SEC23IP: variants seen among roughly 807,000 people sequenced by gnomAD.
SEC23IP encodes SEC23-interacting protein.
In SEC23IP, 70 loss-of-function variants were observed where a neutral mutation model predicts 113.4. That is an observed-to-expected ratio of 0.62 (90% confidence interval 0.51 to 0.75). SEC23IP has a LOEUF of 0.75. SEC23IP is among the 30% of genes least tolerant of loss of function. The probability of loss-of-function intolerance (pLI) is 0.00; values close to 1 mark genes in which losing one functional copy is unlikely to be tolerated. For missense variants in SEC23IP, 1,160 were observed against 1,204.9 expected (o/e 0.96, Z 0.55); for synonymous variants, 398 against 421.0 (o/e 0.95, Z 0.67).
At chr10:119,901,564 C>T (rs756708029) in intron 2 of SEC23IP, among the ~76,000 whole-genome samples, 1 of 152,046 alleles carries the variant, frequency 6.6e-6, no homozygotes, top group Non-Finnish European at 1.5e-5. Context: ...TAAAAGGCAT[C>T]CATTTACAGT....
At chr10:119,928,584 T>C (rs1310099426) in intron 13 of SEC23IP, among the ~76,000 whole-genome samples, 1 of 152,258 alleles carries the variant, frequency 6.6e-6, no homozygotes, top group African/African-American at 2.4e-5. Context: ...AGCTTTGCCA[T>C]AGGCATAATG....
rs1261916581 is a variant in SEC23IP, at chr10:119,944,235, T to A, written c.*3670T>A. 6.6e-6 allele frequency: 1 copy of A among 152,046 alleles called. No individual in the cohort carries two copies. The highest frequency in any genetic ancestry group is 1.5e-5 in the Non-Finnish European group (1 of 67,986). The allele number at this position is 152,046 out of a possible 1,614,324, so 9.4% of individuals were successfully genotyped here. A position where few individuals can be genotyped will look rare whatever the true frequency, so the allele number is the denominator to read the frequency against. ...GATCTGATGGTTTTAAAAGTGGCAGTTTTCCCTGCACTCTCTCCTGCCACC... is the reference window on the plus strand; with the variant it reads ...GATCTGATGGTTTTAAAAGTGGCAGATTTCCCTGCACTCTCTCCTGCCACC... On this transcript the variant is annotated 3_prime_UTR_variant, in exon 19 of 19. Transcript: ENST00000369075.
intron 7 of SEC23IP, 37 bp downstream of exon 7, chr10:119,914,856 T>G: frequency 2.6e-6 from 4 of 1,559,154 alleles, no homozygotes; most frequent in Non-Finnish European, 3.5e-6. Flanking sequence ...TGGGATGATC[T>G]GAGAACTAAT....
chr10:119,929,514 A>G lies in SEC23IP; in HGVS notation c.2314-93A>G, dbSNP rs185936315. ...CTCCCAAAGTGCTGGGATTACAGGC[A>G]TGAGCCACCACGCCCGGCCTGAAAA... On this transcript the variant is annotated intron_variant, in intron 13 of 18. Transcript: ENST00000369075. The G allele has an allele frequency of 3.7e-4, 397 of 1,060,446 alleles. 2 individuals carry two copies. Among genetic ancestry groups the G allele is most frequent in the East Asian group, 1.2e-3 (51 of 41,776 alleles). 65.7% of individuals were successfully genotyped at this position (1,060,446 alleles called of 1,614,324 possible). A position where few individuals can be genotyped will look rare whatever the true frequency, so the allele number is the denominator to read the frequency against.
intron 13 of SEC23IP, among the ~76,000 whole-genome samples, chr10:119,927,389 A>G (rs1347421142): frequency 1.3e-5 from 2 of 152,174 alleles, no homozygotes; most frequent in Non-Finnish European, 2.9e-5. Flanking sequence ...AGCAGAAGAG[A>G]TAGGGTGGTG....
intron 14 of SEC23IP, 84 bp downstream of exon 14, chr10:119,929,846 A>T (rs545783431): frequency 1.2e-6 from 1 of 859,682 alleles, no homozygotes; most frequent in East Asian, 2.7e-5. Context: ...ATGGGGTCTT[A>T]CTATGTGGAC....
In SEC23IP at chr10:119,942,628, T is replaced by C. The variant is rs1855996587; in HGVS notation, c.*2063T>C. 6.6e-6 allele frequency: 1 copy of C among 152,146 alleles called. No homozygotes were observed. Among genetic ancestry groups the C allele is most frequent in the Non-Finnish European group, 1.5e-5 (1 of 68,028 alleles). 9.4% of individuals were successfully genotyped at this position (152,146 alleles called of 1,614,324 possible). A position where few individuals can be genotyped will look rare whatever the true frequency, so the allele number is the denominator to read the frequency against. ...CCCCAGATAAAGAAAGTCATGTCTG[T>C]AGTTATTCCAAAAGTGTTTCATGTG... On this transcript the variant is annotated 3_prime_UTR_variant, in exon 19 of 19. Coordinates refer to ENST00000369075, the MANE Select transcript of SEC23IP (RefSeq NM_007190.4).
chr10:119,898,811 A>T lies in SEC23IP; in HGVS notation c.548A>T (p.Tyr183Phe). 1 of 1,614,126 alleles carries T rather than the reference A, an allele frequency of 6.2e-7. No homozygotes were observed. The change falls in exon 2 of 19, where the codon TAT becomes TTT. Residue 183 changes from tyrosine to phenylalanine, a missense_variant. Tyr to Phe is a conservative substitution (Grantham distance 22). Coordinates refer to ENST00000369075, the MANE Select transcript of SEC23IP (RefSeq NM_007190.4). ...QGIPQPGYNP[Y>F]RHTPGSSRAN... The stretch of plus-strand genomic sequence containing the variant: ...ATTCCCCAACCAGGATACAATCCAT[A>T]TCGCCATACCCCTGGCAGCAGCAGG...
At chr10:119,898,138 T>G (rs1854342614) in intron 1 of SEC23IP, 1 of 270,174 alleles carries the variant, frequency 3.7e-6, no homozygotes, top group African/African-American at 2.2e-5. Flanking sequence ...TGGAAGGGTA[T>G]GTAGCAAAAT....
Position 119,915,781 on chromosome 10 carries a change from T to C in SEC23IP, c.1436T>C (p.Leu479Pro). 5 of 1,600,492 alleles carry C rather than the reference T, an allele frequency of 3.1e-6. No individual in the cohort carries two copies. Among genetic ancestry groups the C allele is most frequent in the Non-Finnish European group, 4.3e-6 (5 of 1,172,988 alleles). The change falls in exon 8 of 19, where the codon CTG (leucine) becomes CCG (proline). Residue 479 changes from leucine (L) to proline (P), a missense_variant. By Grantham distance (98) the Leu-to-Pro change is moderately conservative. Coordinates refer to ENST00000369075, the MANE Select transcript of SEC23IP (RefSeq NM_007190.4). ...DDFRVVSLKL[L>P]RTHFKKSLDD... Reference sequence around the variant, plus strand: ...TTTAGGGTGGTTTCTCTCAAATTGCTGCGGACACATTTCAAGAAATCTTTA... The same window carrying C: ...TTTAGGGTGGTTTCTCTCAAATTGCCGCGGACACATTTCAAGAAATCTTTA...
rs1183693302 is a variant in SEC23IP at position 119,903,025 on chromosome 10, A to T, written c.907+16A>T. On this transcript the variant is annotated intron_variant, in intron 3 of 18. Transcript: ENST00000369075. Reference sequence around the variant, plus strand: ...TATAATTCAGGTAAACATTGGTCATACATCATTCATATCTGATTTTAGGAA... The same window carrying T: ...TATAATTCAGGTAAACATTGGTCATTCATCATTCATATCTGATTTTAGGAA... 1.9e-6 allele frequency: 3 copies of T among 1,579,354 alleles called. No homozygotes were observed. The East Asian group carries it at 6.7e-5, about 35-fold the overall frequency.
intron 13 of SEC23IP, among the ~76,000 whole-genome samples, chr10:119,927,853 C>T (rs1395839413): frequency 1.3e-5 from 2 of 152,066 alleles, no homozygotes; most frequent in Non-Finnish European, 2.9e-5. Flanking sequence ...TTATTTCTTC[C>T]AGTTAAGTTG....
intron 11 of SEC23IP, 31 bp downstream of exon 11, chr10:119,919,627 GA>G (rs1737723635): frequency 4.6e-6 from 7 of 1,526,124 alleles, no homozygotes; most frequent in Non-Finnish European, 6.2e-6. Flanking sequence ...CATTTTGTTT[GA>G]AATTGTTTTT....
intron 6 of SEC23IP, among the ~76,000 whole-genome samples, chr10:119,912,948 G>A (rs1042405851): frequency 1.3e-5 from 2 of 151,994 alleles, no homozygotes; most frequent in Admixed American, 1.3e-4. Context: ...ACCTCTCCTA[G>A]GTATTTTGAA....
chr10:119,908,265 A>G (rs1235428419), intron 4 of SEC23IP, among the ~76,000 whole-genome samples: 2 of 152,120 alleles, frequency 1.3e-5, no homozygotes, highest in Non-Finnish European at 2.9e-5. Flanking sequence ...ATGAAAAAAA[A>G]GAAAAAGTCA....
chr10:119,925,325 A>G (rs1855384470), intron 12 of SEC23IP, among the ~76,000 whole-genome samples: 1 of 152,182 alleles, frequency 6.6e-6, no homozygotes, highest in Admixed American at 6.5e-5. Context: ...TCTAAGTAGC[A>G]TGAACAGTAT....
At chr10:119,897,740 G>A (rs534957822) in intron 1 of SEC23IP, among the ~76,000 whole-genome samples, 25 of 152,246 alleles carry the variant, frequency 1.6e-4, no homozygotes, top group African/African-American at 4.6e-4. Flanking sequence ...GCTCATGCCC[G>A]TAATCCCAGC....
chr10:119,907,546 C>T lies in SEC23IP; in HGVS notation c.1102-1495C>T, dbSNP rs111856855. Among the ~76,000 whole-genome samples, 545 of 152,304 alleles carry T rather than the reference C, an allele frequency of 3.6e-3. 1 individual carries two copies. The highest frequency in any genetic ancestry group is 0.013 in the African/African-American group (523 of 41,568). The stretch of plus-strand genomic sequence containing the variant: ...TGAATCTCTCCCCAAGAGGTCCTCA[C>T]GCTTGTTCTTTATAGAAACTAGAAT... On this transcript the variant is annotated intron_variant, in intron 4 of 18. Coordinates refer to ENST00000369075, the MANE Select transcript of SEC23IP (RefSeq NM_007190.4).
At chr10:119,925,742 A>C (rs1229857538) in intron 12 of SEC23IP, among the ~76,000 whole-genome samples, 2 of 151,830 alleles carry the variant, frequency 1.3e-5, no homozygotes, top group Non-Finnish European at 1.5e-5. Context: ...AGGTCTCACT[A>C]TGTTGCCCAG....
Sources: gnomAD v4.1 joint callset for allele counts (sites outside exome capture counted in the v4.1 genomes callset) on GRCh38, gnomAD v4.1.1 for gene constraint, MANE v1.5 for transcripts, NCBI Gene and HGNC (gene_info 2026-07-23, HGNC 2026-07-21) for gene names.